The following CACNA1C variants were observed in gnomAD, a reference collection of about 807,000 sequenced individuals.
CACNA1C encodes voltage-dependent L-type calcium channel subunit alpha-1C.
In CACNA1C, 30 loss-of-function variants were observed where a neutral mutation model predicts 229.0. That is an observed-to-expected ratio of 0.13 (90% CI 0.10 to 0.18). The LOEUF (loss-of-function observed/expected upper bound fraction) is 0.18. Ranked by LOEUF, CACNA1C falls within the 10% of genes least tolerant of loss-of-function variation. CACNA1C has a pLI of 1.00. For missense variants in CACNA1C, 1,658 were observed against 2,845.0 expected (o/e 0.58, Z 9.49); for synonymous variants, 1,114 against 1,132.5 (o/e 0.98, Z 0.33).
chr12:2,674,443 TG>T, intron 38 of CACNA1C, 97 bp from the exon 39 acceptor site: 1 of 1,474,930 alleles, frequency 6.8e-7, no homozygotes, highest in Non-Finnish European at 9.1e-7. Context: ...CAGGGTTGCG[TG>T]GGGCAGATGC....
At chr12:2,330,309 C>T (rs1300107591) in intron 3 of CACNA1C, among the ~76,000 whole-genome samples, 3 of 152,186 alleles carry the variant, frequency 2.0e-5, no homozygotes, top group Non-Finnish European at 4.4e-5. Context: ...GGTACGTGAG[C>T]TTGGAGGATC....
At chr12:2,514,689 G>A (rs920857041) in intron 9 of CACNA1C, among the ~76,000 whole-genome samples, 2 of 152,114 alleles carry the variant, frequency 1.3e-5, no homozygotes, top group African/African-American at 4.8e-5. Flanking sequence ...ACGGTGATGA[G>A]CATTTCTGTA....
At chr12:2,226,574 T>A (rs942274555) in intron 3 of CACNA1C, among the ~76,000 whole-genome samples, 13 of 152,248 alleles carry the variant, frequency 8.5e-5, no homozygotes, top group African/African-American at 2.9e-4. Flanking sequence ...CTCATGTTTT[T>A]AAATTACTAT....
At chr12:2,501,007 C>T (rs966679856) in intron 7 of CACNA1C, among the ~76,000 whole-genome samples, 12 of 150,904 alleles carry the variant, frequency 8.0e-5, no homozygotes, top group African/African-American at 2.9e-4. Context: ...GAGATCGAGA[C>T]CATCCTGGCT....
intron 3 of CACNA1C, among the ~76,000 whole-genome samples, chr12:2,274,534 G>C (rs555869652): frequency 6.6e-6 from 1 of 152,326 alleles, no homozygotes; most frequent in African/African-American, 2.4e-5. Flanking sequence ...GTGACGGTGA[G>C]CACAGCAGCC....
intron 7 of CACNA1C, among the ~76,000 whole-genome samples, chr12:2,498,972 A>G (rs968689409): frequency 1.3e-5 from 2 of 152,086 alleles, no homozygotes; most frequent in South Asian, 2.1e-4. Context: ...GGAGGAGCTT[A>G]TTTTGTTGGC....
At chr12:2,041,483 C>T (rs112657405) in intron 1 of CACNA1C, among the ~76,000 whole-genome samples, 6,306 of 151,732 alleles carry the variant, frequency 0.042, 203 homozygotes, top group Non-Finnish European at 0.066. Context: ...TCACCATGTT[C>T]GCCAGGATGG....
chr12:2,015,610 C>G (rs2045232798), intron 1 of CACNA1C, among the ~76,000 whole-genome samples: 1 of 152,240 alleles, frequency 6.6e-6, no homozygotes, highest in African/African-American at 2.4e-5. Flanking sequence ...CCTGGCCACA[C>G]TTTAAAATTG....
At chr12:2,453,198 G>A (rs970933128) in intron 4 of CACNA1C, among the ~76,000 whole-genome samples, 7 of 152,102 alleles carry the variant, frequency 4.6e-5, no homozygotes, top group Non-Finnish European at 1.0e-4. Flanking sequence ...GTCTGTGCCT[G>A]GGGGCCTCCA....
chr12:2,084,897 A>G (rs530580438), intron 1 of CACNA1C, among the ~76,000 whole-genome samples: 6 of 152,064 alleles, frequency 3.9e-5, no homozygotes, highest in African/African-American at 1.2e-4. Flanking sequence ...TGCTTATTCT[A>G]TTTCATCTCG....
chr12:2,394,268 C>T (rs1409482549), intron 3 of CACNA1C, among the ~76,000 whole-genome samples: 5 of 152,210 alleles, frequency 3.3e-5, no homozygotes, highest in South Asian at 2.1e-4. Context: ...CTGGTATGGA[C>T]GCAGGAGCTG....
At chr12:2,664,228 C>A (rs901800080) in intron 34 of CACNA1C, among the ~76,000 whole-genome samples, 83 of 152,310 alleles carry the variant, frequency 5.4e-4, no homozygotes, top group African/African-American at 1.8e-3. Flanking sequence ...ACATTTAAAA[C>A]AATTCACTAA....
chr12:2,280,081 A>C (rs2090532293), intron 3 of CACNA1C, among the ~76,000 whole-genome samples: 1 of 152,220 alleles, frequency 6.6e-6, no homozygotes, highest in Non-Finnish European at 1.5e-5. Context: ...ATTCAGCCTG[A>C]CTTAATTGGC....
intron 2 of CACNA1C, among the ~76,000 whole-genome samples, chr12:2,116,217 G>T (rs1363561506): frequency 6.6e-6 from 1 of 152,232 alleles, no homozygotes; most frequent in Non-Finnish European, 1.5e-5. Context: ...TGCAGACAAA[G>T]TTGAGAACAC....
intron 5 of CACNA1C, among the ~76,000 whole-genome samples, chr12:2,472,040 A>T (rs1597359313): frequency 6.6e-6 from 1 of 151,982 alleles, no homozygotes; most frequent in Middle Eastern, 3.4e-3. Flanking sequence ...TGCTTTTAAA[A>T]TTTTCTCTCT....
chr12:2,336,694 G>A (rs1401040857), intron 3 of CACNA1C, among the ~76,000 whole-genome samples: 1 of 152,178 alleles, frequency 6.6e-6, no homozygotes, highest in Non-Finnish European at 1.5e-5. Context: ...GGGAAGAGCT[G>A]GTGCTGCTAG....
At chr12:2,469,757 T>C (rs1295845631) in intron 5 of CACNA1C, among the ~76,000 whole-genome samples, 4 of 152,344 alleles carry the variant, frequency 2.6e-5, no homozygotes, top group African/African-American at 7.2e-5. Context: ...TAATAAATAC[T>C]TGTGCAAAAC....
chr12:2,272,911 G>T (rs563055441), intron 3 of CACNA1C, among the ~76,000 whole-genome samples: 1 of 152,360 alleles, frequency 6.6e-6, no homozygotes, highest in Admixed American at 6.5e-5. Context: ...AGACTCTGAT[G>T]TTGGCCCTTA....
intron 3 of CACNA1C, among the ~76,000 whole-genome samples, chr12:2,424,601 TGA>T (rs377604754): frequency 1.3e-3 from 204 of 152,154 alleles, no homozygotes; most frequent in African/African-American, 3.8e-3. Flanking sequence ...GGGTAGGGGG[TGA>T]GTGCTTGGGC....
Sources: allele counts gnomAD v4.1 joint callset (sites outside exome capture counted in the v4.1 genomes callset), GRCh38; gene constraint gnomAD v4.1.1; transcripts MANE v1.5; gene names NCBI Gene and HGNC (gene_info 2026-07-23, HGNC 2026-07-21).